ATE1: variants seen among roughly 807,000 people sequenced by gnomAD.
The protein encoded by ATE1 is arginyltransferase 1.
In ATE1, 36 loss-of-function variants were observed where a neutral mutation model predicts 70.5. The ratio of observed to expected loss-of-function variants is 0.51; its 90% CI spans 0.39 to 0.67. The LOEUF (loss-of-function observed/expected upper bound fraction) is 0.67. Among genes scored for constraint, ATE1 ranks in the 30% least tolerant of loss-of-function variants. ATE1 has a pLI of 0.00. For synonymous variants in ATE1, 232 were observed against 219.3 expected (o/e 1.06, Z -0.51); for missense variants, 593 against 629.5 (o/e 0.94, Z 0.62).
In ATE1 at chr10:121,791,519, A is replaced by G. The variant is rs540785824; in HGVS notation, c.1258-1230T>C. Among the ~76,000 whole-genome samples the G allele has an allele frequency of 7.7e-4, 118 of 152,340 alleles. 1 individual carries two copies. The highest frequency in any genetic ancestry group is 2.7e-3 in the African/African-American group (113 of 41,584). ...AAGATGGTACAAATTATTTGAAAAC[A>G]TTTTGTGAAAATTTTCATAACTATC... On this transcript the variant is annotated intron_variant, in intron 10 of 11. Coordinates refer to ENST00000224652, the MANE Select transcript of ATE1 (RefSeq NM_001001976.3).
chr10:121,824,939 C>T (rs964340076), intron 10 of ATE1, among the ~76,000 whole-genome samples: 2 of 150,124 alleles, frequency 1.3e-5, no homozygotes, highest in Admixed American at 6.6e-5. Flanking sequence ...CATGGGAAAC[C>T]CTATGTTTAC....
chr10:121,926,951 G>A (rs1952117054), intron 1 of ATE1: 15 of 985,436 alleles, frequency 1.5e-5, no homozygotes, highest in Middle Eastern at 5.2e-4. Context: ...TAATGAAGGA[G>A]CAAATGCACA....
At chr10:121,868,983 GA>G (rs1949758243) in intron 8 of ATE1, among the ~76,000 whole-genome samples, 1 of 152,190 alleles carries the variant, frequency 6.6e-6, no homozygotes, top group Non-Finnish European at 1.5e-5. Context: ...CCCTGAAGAC[GA>G]ATATGATTTG....
chr10:121,773,890 G>A (rs1945624837), intron 11 of ATE1, among the ~76,000 whole-genome samples: 1 of 151,944 alleles, frequency 6.6e-6, no homozygotes, highest in East Asian at 1.9e-4. Context: ...AGCATTATTT[G>A]TTTTCAAAAA....
chr10:121,772,905 G>A (rs1040996649), intron 11 of ATE1, among the ~76,000 whole-genome samples: 8 of 152,320 alleles, frequency 5.3e-5, no homozygotes, highest in Admixed American at 3.9e-4. Context: ...GTTGGAACAT[G>A]CAATCCACTT....
At chr10:121,883,594 C>G (rs887774320) in intron 7 of ATE1, among the ~76,000 whole-genome samples, 1 of 152,112 alleles carries the variant, frequency 6.6e-6, no homozygotes, top group Non-Finnish European at 1.5e-5. Flanking sequence ...AAGTCCTGCT[C>G]GGCATTCTGT....
At chr10:121,861,012 A>T (rs1490157989) in intron 8 of ATE1, among the ~76,000 whole-genome samples, 1 of 152,232 alleles carries the variant, frequency 6.6e-6, no homozygotes, top group Non-Finnish European at 1.5e-5. Flanking sequence ...ACATCAAACA[A>T]GACTGATGTC....
chr10:121,851,978 G>A (rs781723614), intron 8 of ATE1, among the ~76,000 whole-genome samples: 4 of 152,234 alleles, frequency 2.6e-5, no homozygotes, highest in Non-Finnish European at 4.4e-5. Flanking sequence ...CAGCCAAACT[G>A]CTCCCAAAAT....
intron 11 of ATE1, among the ~76,000 whole-genome samples, chr10:121,753,109 C>T (rs547663699): frequency 9.5e-4 from 144 of 152,252 alleles, no homozygotes; most frequent in African/African-American, 3.2e-3. Flanking sequence ...CTGTTGTAAA[C>T]GCAACTGTTG....
intron 11 of ATE1, among the ~76,000 whole-genome samples, chr10:121,754,286 A>T (rs1390624715): frequency 6.6e-6 from 1 of 152,222 alleles, no homozygotes; most frequent in Non-Finnish European, 1.5e-5. Flanking sequence ...AAAAATAACT[A>T]GGGCTCCTTG....
At chr10:121,816,589 G>A (rs1357433475) in intron 10 of ATE1, among the ~76,000 whole-genome samples, 3 of 152,094 alleles carry the variant, frequency 2.0e-5, no homozygotes, top group Admixed American at 6.6e-5. Context: ...TCCACCACAT[G>A]AGGACACAGC....
chr10:121,899,312 C>T (rs1405183744), intron 7 of ATE1, among the ~76,000 whole-genome samples: 4 of 152,010 alleles, frequency 2.6e-5, no homozygotes, highest in Non-Finnish European at 4.4e-5. Context: ...GTGTTTTAAG[C>T]TTTTTTCCTT....
chr10:121,924,889 C>G (rs886964906), intron 1 of ATE1, among the ~76,000 whole-genome samples: 3 of 152,042 alleles, frequency 2.0e-5, no homozygotes, highest in African/African-American at 7.2e-5. Context: ...GAGGATTAGT[C>G]AATAGTCTCT....
intron 11 of ATE1, among the ~76,000 whole-genome samples, chr10:121,763,056 C>T (rs983744475): frequency 3.9e-5 from 6 of 152,136 alleles, no homozygotes; most frequent in African/African-American, 1.4e-4. Flanking sequence ...CTTTTAGAGG[C>T]AAATTCACAT....
intron 10 of ATE1, among the ~76,000 whole-genome samples, chr10:121,819,489 G>C (rs1473193421): frequency 1.3e-5 from 2 of 151,878 alleles, no homozygotes; most frequent in Non-Finnish European, 2.9e-5. Context: ...CGGATCATGA[G>C]GTCAGGAGAT....
At chr10:121,868,757 C>T (rs1477365736) in intron 8 of ATE1, among the ~76,000 whole-genome samples, 3 of 152,140 alleles carry the variant, frequency 2.0e-5, no homozygotes, top group Admixed American at 2.0e-4. Context: ...CCCCGTTGAT[C>T]CTGGATACTC....
intron 8 of ATE1, among the ~76,000 whole-genome samples, chr10:121,854,372 T>C (rs188833176): frequency 3.7e-4 from 56 of 152,370 alleles, no homozygotes; most frequent in Admixed American, 2.2e-3. Context: ...GGCATGTGTT[T>C]GTCCTCTATT....
At position 121,868,493 on chromosome 10, in the gene ATE1, A is replaced by T. The variant is rs550258616; in HGVS notation, c.975+1513T>A. Among the ~76,000 whole-genome samples the T allele has an allele frequency of 1.3e-4, 20 of 152,274 alleles. No individual in the cohort carries two copies. In the South Asian group the frequency reaches 2.9e-3, roughly 22 times the overall value. ...TCCATAACTATAGAGTGGGCTATAA[A>T]ACTTATATTGTCTTCAACTTTTTTA... On this transcript the variant is annotated intron_variant, in intron 8 of 11. Coordinates refer to ENST00000224652, the MANE Select transcript of ATE1 (RefSeq NM_001001976.3).
At chr10:121,859,247 T>G (rs1949375545) in intron 8 of ATE1, among the ~76,000 whole-genome samples, 1 of 150,672 alleles carries the variant, frequency 6.6e-6, no homozygotes, top group Admixed American at 6.6e-5. Context: ...AAGTTATTAT[T>G]TTATTTTATT....
Sources: allele counts gnomAD v4.1 joint callset (sites outside exome capture counted in the v4.1 genomes callset), GRCh38; gene constraint gnomAD v4.1.1; transcripts MANE v1.5; gene names NCBI Gene and HGNC (gene_info 2026-07-23, HGNC 2026-07-21).